FAM185A: variants seen among roughly 807,000 people sequenced by gnomAD.
The protein encoded by FAM185A is protein FAM185A.
In FAM185A, 21 loss-of-function variants were observed where a neutral mutation model predicts 45.7. The observed-to-expected ratio is 0.46, with a 90% CI of 0.33 to 0.66. The LOEUF is 0.66. Ranked by LOEUF, FAM185A falls within the 30% of genes least tolerant of loss-of-function variation. FAM185A has a pLI of 0.03. For missense variants in FAM185A, 305 were observed against 485.4 expected, an observed-to-expected ratio of 0.63 and a Z score of 3.49; for synonymous variants, 117 against 194.0, an observed-to-expected ratio of 0.60 and a Z score of 3.30.
chr7:102,785,336 G>A (rs1156328851), intron 6 of FAM185A, among the ~76,000 whole-genome samples: 1 of 149,784 alleles, frequency 6.7e-6, no homozygotes, highest in Non-Finnish European at 1.5e-5. Context: ...CTACTTTAAA[G>A]TTCATATGGA....
chr7:102,783,853 T>C (rs1795583747), intron 6 of FAM185A, among the ~76,000 whole-genome samples: 1 of 151,718 alleles, frequency 6.6e-6, no homozygotes, highest in African/African-American at 2.4e-5. Flanking sequence ...CTGAAGGAAA[T>C]AGAGACACAA....
At chr7:102,787,967 G>C (rs1292972077) in intron 7 of FAM185A, among the ~76,000 whole-genome samples, 1 of 151,956 alleles carries the variant, frequency 6.6e-6, no homozygotes, top group African/African-American at 2.4e-5. Flanking sequence ...GTCATTGGTT[G>C]GTTTTTTTGT....
chr7:102,837,287 C>G, the FAM185A span, among the ~76,000 whole-genome samples: 1 of 152,162 alleles, frequency 6.6e-6, no homozygotes, highest in Non-Finnish European at 1.5e-5. Context: ...ACCTTCCCTG[C>G]CAGGGAAACC....
At chr7:102,791,137 G>C (rs1188699797) in intron 7 of FAM185A, among the ~76,000 whole-genome samples, 1 of 152,078 alleles carries the variant, frequency 6.6e-6, no homozygotes, top group Non-Finnish European at 1.5e-5. Flanking sequence ...GGAGAGGTCA[G>C]ATCATATGGG....
chr7:102,826,753 A>ATATATATATATATATG, the FAM185A span, among the ~76,000 whole-genome samples: 13 of 112,246 alleles, frequency 1.2e-4, no homozygotes, highest in Non-Finnish European at 1.4e-4. Context: ...ATATATATAT[A>ATATATATATATATATG]TATATATATA....
the FAM185A span, among the ~76,000 whole-genome samples, chr7:102,827,680 C>T: frequency 3.3e-5 from 5 of 152,118 alleles, no homozygotes; most frequent in Non-Finnish European, 5.9e-5. Flanking sequence ...TCCCCCCTCC[C>T]GCCACCCCAC....
intron 6 of FAM185A, among the ~76,000 whole-genome samples, chr7:102,780,180 A>G (rs1795319878): frequency 6.6e-6 from 1 of 152,114 alleles, no homozygotes; most frequent in African/African-American, 2.4e-5. Context: ...ATTGGAAGGA[A>G]AACCACGACC....
rs376614144 is a variant in FAM185A, at chr7:102,803,994, AC to A, written c.1067-4295del. Among the ~76,000 whole-genome samples, 23 of 152,340 alleles carry A rather than the reference AC, an allele frequency of 1.5e-4. No homozygotes were observed. The East Asian group carries it at 1.5e-3, about 10-fold the overall frequency. ...CTAGCCAAGGAGGTGAAAGACCTCTACAAGGAAAACTACAAAACATTGCTGA... is the reference window on the plus strand; with the variant it reads ...CTAGCCAAGGAGGTGAAAGACCTCTAAAGGAAAACTACAAAACATTGCTGA... On this transcript the variant is annotated intron_variant, in intron 7 of 7. Coordinates refer to ENST00000413034, the MANE Select transcript of FAM185A (RefSeq NM_001145268.2).
the FAM185A span, chr7:102,833,042 G>C: frequency 1.3e-6 from 2 of 1,533,528 alleles, no homozygotes; most frequent in Non-Finnish European, 1.8e-6. Flanking sequence ...ACTTATAGTA[G>C]CTTATTAAAT....
At chr7:102,749,720 T>C (rs1238652535) in intron 1 of FAM185A, 62 bp downstream of exon 1, 10 of 1,497,246 alleles carry the variant, frequency 6.7e-6, no homozygotes, top group South Asian at 2.7e-5. Context: ...ACTTAATAAA[T>C]GTGGTCGACG....
intron 6 of FAM185A, among the ~76,000 whole-genome samples, chr7:102,785,527 A>G (rs1317026349): frequency 1.4e-3 from 215 of 152,310 alleles, no homozygotes; most frequent in South Asian, 4.6e-3. Context: ...ATAATGCTGC[A>G]TATCTACAAC....
chr7:102,756,393 C>T (rs1584275151), intron 2 of FAM185A, among the ~76,000 whole-genome samples: 1 of 152,080 alleles, frequency 6.6e-6, no homozygotes, highest in East Asian at 1.9e-4. Flanking sequence ...TGCAGTGGCT[C>T]ATGCCTGTAA....
chr7:102,778,781 G>A (rs1336362325), intron 6 of FAM185A, among the ~76,000 whole-genome samples: 1 of 152,096 alleles, frequency 6.6e-6, no homozygotes, highest in Non-Finnish European at 1.5e-5. Flanking sequence ...TCAGATCTCC[G>A]AATTCTCAAT....
chr7:102,813,146 C>T, downstream of FAM185A: 1 of 607,248 alleles, frequency 1.6e-6, no homozygotes, highest in Non-Finnish European at 2.7e-6. Context: ...GGCCTGGCTT[C>T]TTTTTTAAAT....
the FAM185A span, among the ~76,000 whole-genome samples, chr7:102,829,577 C>G: frequency 1.3e-5 from 2 of 152,288 alleles, no homozygotes; most frequent in Non-Finnish European, 2.9e-5. Context: ...AACCACAGGG[C>G]CTAGTGCACT....
At chr7:102,786,073 T>TG (rs1795775127) in intron 6 of FAM185A, among the ~76,000 whole-genome samples, 1 of 151,890 alleles carries the variant, frequency 6.6e-6, no homozygotes, top group Admixed American at 6.6e-5. Flanking sequence ...AAAAGACACA[T>TG]GAAAAAATGC....
intron 2 of FAM185A, among the ~76,000 whole-genome samples, chr7:102,753,547 C>T (rs571108231): frequency 2.6e-5 from 4 of 152,214 alleles, no homozygotes; most frequent in Admixed American, 6.5e-5. Context: ...CAGTAGCATG[C>T]TCCTCAGTTG....
At chr7:102,776,687 G>A (rs1795082811) in intron 5 of FAM185A, among the ~76,000 whole-genome samples, 1 of 136,524 alleles carries the variant, frequency 7.3e-6, no homozygotes. Context: ...GGACAGCATA[G>A]CAAGACCCTG....
At chr7:102,845,814 G>T in the FAM185A span, among the ~76,000 whole-genome samples, 1 of 152,114 alleles carries the variant, frequency 6.6e-6, no homozygotes, top group Non-Finnish European at 1.5e-5. Context: ...CCTTGTTAAA[G>T]TGATTTTTCT....
Sources: allele counts gnomAD v4.1 joint callset (sites outside exome capture counted in the v4.1 genomes callset), GRCh38; gene constraint gnomAD v4.1.1; transcripts MANE v1.5; gene names NCBI Gene and HGNC (gene_info 2026-07-23, HGNC 2026-07-21).